Variants in SLIT2 observed in about 807,000 individuals in gnomAD.
The protein encoded by SLIT2 is slit guidance ligand 2.
A neutral mutation model predicts 185.7 loss-of-function variants in SLIT2; 41 were observed. The ratio of observed to expected loss-of-function variants is 0.22; its 90% CI spans 0.17 to 0.29. SLIT2 has a LOEUF of 0.29. SLIT2 is among the 10% of genes least tolerant of loss of function. The pLI, the probability that SLIT2 is intolerant of heterozygous loss-of-function variation, is 1.00. For missense variants in SLIT2, 1,571 were observed against 1,909.0 expected, an observed-to-expected ratio of 0.82 and a Z score of 3.30; for synonymous variants, 693 against 680.2, an observed-to-expected ratio of 1.02 and a Z score of -0.29.
chr4:20,486,713 G>A (rs926235790), intron 7 of SLIT2, among the ~76,000 whole-genome samples: 6 of 152,060 alleles, frequency 3.9e-5, no homozygotes, highest in Admixed American at 2.0e-4. Context: ...GATTGTGTCA[G>A]CATTTATATT....
chr4:20,522,585 G>T (rs1720929594), intron 12 of SLIT2, among the ~76,000 whole-genome samples: 1 of 151,990 alleles, frequency 6.6e-6, no homozygotes, highest in African/African-American at 2.4e-5. Flanking sequence ...ACATGCTGAA[G>T]AATAAACCTA....
chr4:20,480,777 C>A lies in SLIT2; in HGVS notation c.529C>A (p.Leu177Met). 1 of 1,611,598 alleles carries A rather than the reference C, an allele frequency of 6.2e-7. No homozygotes were observed. Among genetic ancestry groups the A allele is most frequent in the Non-Finnish European group, 8.5e-7 (1 of 1,177,754 alleles). The change falls in exon 6 of 37, where the codon CTG (leucine) becomes ATG (methionine). Residue 177 changes from leucine (L) to methionine (M), a missense_variant. Physicochemically the swap from Leu to Met is conservative, Grantham distance 15 (BLOSUM62 2). Coordinates refer to ENST00000504154, the MANE Select transcript of SLIT2 (RefSeq NM_004787.4). ...TGGGGCATTCAGGGCTCTCCGGGAC[C>A]TGGAAGTGCTGTAAGTACTGCTATT... is the stretch of plus-strand genomic sequence containing the variant. ...EDGAFRALRDLEVLTLNNNNI... is the reference protein window; with the variant it reads ...EDGAFRALRDMEVLTLNNNNI...
intron 9 of SLIT2, among the ~76,000 whole-genome samples, chr4:20,492,694 A>G (rs1242753927): frequency 1.3e-5 from 2 of 152,234 alleles, no homozygotes; most frequent in Non-Finnish European, 2.9e-5. Flanking sequence ...AATTGTAACT[A>G]AATAAATTAT....
At chr4:20,291,486 ATATATATTTTTTTTTTTTTTTTTT>A (rs1715902504) in intron 4 of SLIT2, among the ~76,000 whole-genome samples, 1 of 10,298 alleles carries the variant, frequency 9.7e-5, no homozygotes. Flanking sequence ...ATATATATAT[ATATATATTTTTTTTTTTTTTTTTT>A]TTTTTTTTTT....
At chr4:20,352,918 A>G (rs181007804) in intron 4 of SLIT2, among the ~76,000 whole-genome samples, 1 of 152,314 alleles carries the variant, frequency 6.6e-6, no homozygotes, top group African/African-American at 2.4e-5. Context: ...TCTAAAAATA[A>G]TGATAATAAT....
chr4:20,361,795 C>G (rs1400753600), intron 4 of SLIT2, among the ~76,000 whole-genome samples: 3 of 151,620 alleles, frequency 2.0e-5, no homozygotes, highest in Admixed American at 6.6e-5. Flanking sequence ...TTTTTTATTT[C>G]TTTTTTCTCT....
intron 4 of SLIT2, among the ~76,000 whole-genome samples, chr4:20,297,324 T>C (rs1217942681): frequency 1.3e-5 from 2 of 152,224 alleles, no homozygotes; most frequent in Non-Finnish European, 2.9e-5. Context: ...AATTTTAAAA[T>C]GTGGAAGCAA....
chr4:20,354,791 C>G (rs1000753783), intron 4 of SLIT2, among the ~76,000 whole-genome samples: 3 of 151,744 alleles, frequency 2.0e-5, no homozygotes, highest in Non-Finnish European at 4.4e-5. Context: ...TATATTGTCA[C>G]CATCTGCTGC....
intron 16 of SLIT2, 41 bp downstream of exon 16, chr4:20,529,140 G>C (rs758061742): frequency 6.8e-7 from 1 of 1,475,274 alleles, no homozygotes; most frequent in South Asian, 1.4e-5. Context: ...GGGATGGAGG[G>C]AATGAAAGCA....
intron 33 of SLIT2, among the ~76,000 whole-genome samples, chr4:20,600,725 AAT>A (rs1268343959): frequency 6.6e-6 from 1 of 152,026 alleles, no homozygotes. Context: ...TGGATCATCT[AAT>A]AGAGATACAA....
intron 4 of SLIT2, among the ~76,000 whole-genome samples, chr4:20,306,730 T>G (rs949288646): frequency 1.3e-5 from 2 of 152,172 alleles, no homozygotes; most frequent in African/African-American, 4.8e-5. Flanking sequence ...TACTTTTACT[T>G]AGGATTTCCT....
rs768229879 is a variant in SLIT2, at chr4:20,510,546, A to G, written c.966A>G (p.Pro322=). 3.1e-6 allele frequency: 5 copies of G among 1,606,988 alleles called. No individual in the cohort carries two copies. The highest frequency in any genetic ancestry group is 2.2e-5 in the East Asian group (1 of 44,756). ...IKVIPPGAFS[P]YKKLRRIDLS... ...TCATCCCTCCTGGAGCTTTCTCACC[A>G]TATAAAAAGCTTAGACGAATGTGAG... is the stretch of plus-strand genomic sequence containing the variant. Residue 322 remains proline, a synonymous_variant, in exon 10 of 37, where the codon CCA becomes CCG. Transcript: ENST00000504154.
At chr4:20,375,501 T>G (rs2109328423) in intron 4 of SLIT2, among the ~76,000 whole-genome samples, 1 of 152,216 alleles carries the variant, frequency 6.6e-6, no homozygotes, top group South Asian at 2.1e-4. Flanking sequence ...TAAAGAGTAT[T>G]TTATCTAAGT....
intron 4 of SLIT2, among the ~76,000 whole-genome samples, chr4:20,374,930 C>T (rs1723897706): frequency 6.6e-6 from 1 of 152,078 alleles, no homozygotes; most frequent in African/African-American, 2.4e-5. Flanking sequence ...TGAAACCTGT[C>T]AACATCACTA....
At chr4:20,522,129 A>G (rs1483786256) in intron 12 of SLIT2, among the ~76,000 whole-genome samples, 1 of 152,106 alleles carries the variant, frequency 6.6e-6, no homozygotes, top group Non-Finnish European at 1.5e-5. Context: ...CCATCACCAA[A>G]GGGACCTTTT....
chr4:20,323,630 C>T (rs540669945), intron 4 of SLIT2, among the ~76,000 whole-genome samples: 1 of 152,202 alleles, frequency 6.6e-6, no homozygotes, highest in African/African-American at 2.4e-5. Flanking sequence ...AGTGCTACTT[C>T]CCTTAACCGT....
intron 4 of SLIT2, among the ~76,000 whole-genome samples, chr4:20,388,818 A>AAT (rs1725150218): frequency 6.9e-6 from 1 of 145,886 alleles, no homozygotes; most frequent in African/African-American, 2.5e-5. Context: ...ACATATGTAA[A>AAT]ATATATATAA....
At chr4:20,343,396 A>C (rs1356178976) in intron 4 of SLIT2, among the ~76,000 whole-genome samples, 2 of 152,154 alleles carry the variant, frequency 1.3e-5, no homozygotes, top group Non-Finnish European at 1.5e-5. Flanking sequence ...TGTTGCTGCA[A>C]ATGACATGAT....
At position 20,399,210 on chromosome 4, in the gene SLIT2, A is replaced by G. The variant is rs1461979042; in HGVS notation, c.396-68542A>G. ...CTTTATTCTTTTATGCTATGGCTGG[A>G]TTATAAAATAATAGTAGCATAATAT... On this transcript the variant is annotated intron_variant, in intron 4 of 36. Coordinates refer to ENST00000504154, the MANE Select transcript of SLIT2 (RefSeq NM_004787.4). Among the ~76,000 whole-genome samples, 7 of 151,720 alleles carry G rather than the reference A, an allele frequency of 4.6e-5. No homozygotes were observed. The East Asian group carries it at 5.8e-4, about 13-fold the overall frequency.
Sources: gnomAD v4.1 joint callset for allele counts (sites outside exome capture counted in the v4.1 genomes callset) on GRCh38, gnomAD v4.1.1 for gene constraint, MANE v1.5 for transcripts, NCBI Gene and HGNC (gene_info 2026-07-23, HGNC 2026-07-21) for gene names.